Variants in TUBGCP4 observed in about 807,000 individuals in gnomAD.
TUBGCP4 encodes gamma-tubulin complex component 4.
In TUBGCP4, 54 loss-of-function variants were observed where a neutral mutation model predicts 91.6. The observed-to-expected ratio is 0.59, with a 90% confidence interval of 0.47 to 0.74. TUBGCP4 has a LOEUF of 0.74. Among genes scored for constraint, TUBGCP4 ranks in the 30% least tolerant of loss-of-function variants. The pLI is 0.00. For missense variants in TUBGCP4, 593 were observed against 800.9 expected (o/e 0.74, Z 3.13); for synonymous variants, 297 against 302.8 (o/e 0.98, Z 0.20).
At position 43,408,864 on chromosome 15, in the gene TUBGCP4, CTATACAAT is replaced by C; in HGVS notation, c.*3652_*3659del. ...CCTCCAAAGCTTGCTGTCCTCCTGC[CTATACAAT>C]TCTGGATGGGCTTCAAATACTTACC... On this transcript the variant is annotated 3_prime_UTR_variant, in exon 18 of 18. Transcript: ENST00000564079. The C allele has an allele frequency of 6.2e-7, 1 of 1,607,168 alleles. No individual in the cohort carries two copies. The highest frequency in any genetic ancestry group is 1.1e-5 in the South Asian group (1 of 90,888).
chr15:43,395,393 G>A, intron 10 of TUBGCP4, 190 bp from the exon 11 acceptor site: 1 of 665,354 alleles, frequency 1.5e-6, no homozygotes, highest in South Asian at 1.8e-5. Flanking sequence ...AATAAATAAT[G>A]CCAAATACAC....
At chr15:43,380,537 A>C (rs2044271318) in intron 6 of TUBGCP4, among the ~76,000 whole-genome samples, 1 of 152,234 alleles carries the variant, frequency 6.6e-6, no homozygotes, top group Non-Finnish European at 1.5e-5. Flanking sequence ...AAAAATGTTT[A>C]TGCTTTATAA....
chr15:43,377,976 T>A, intron 5 of TUBGCP4, 73 bp downstream of exon 5: 1 of 1,240,056 alleles, frequency 8.1e-7, no homozygotes, highest in Non-Finnish European at 1.1e-6. Context: ...TGCTTTACAT[T>A]ATTTTTCGAA....
intron 9 of TUBGCP4, among the ~76,000 whole-genome samples, chr15:43,390,412 AT>A (rs2044446503): frequency 6.6e-6 from 1 of 152,066 alleles, no homozygotes. Flanking sequence ...ATTTAAAAAA[AT>A]CTAGTCATTT....
chr15:43,389,251 G>T (rs1326001216), intron 9 of TUBGCP4, among the ~76,000 whole-genome samples: 1 of 152,182 alleles, frequency 6.6e-6, no homozygotes, highest in African/African-American at 2.4e-5. Context: ...TGCTTACATA[G>T]AGAAATGGTG....
At position 43,383,319 on chromosome 15, in the gene TUBGCP4, C is replaced by T. The variant is rs775533241; in HGVS notation, c.538C>T (p.His180Tyr). The change falls in exon 7 of 18, where the codon CAT (histidine) becomes TAT (tyrosine). Residue 180 changes from histidine (H) to tyrosine (Y), a missense_variant. Coordinates refer to ENST00000564079, the MANE Select transcript of TUBGCP4 (RefSeq NM_014444.5). ...TCTGCCCAGAATCCTGGCCGTTTGT[C>T]ATGGGGTCATGTATAAACAGCTCTC... ...SALEKILAVC[H>Y]GVMYKQLSAW... is the part of the protein sequence containing the mutation. 1.2e-6 allele frequency: 2 copies of T among 1,613,776 alleles called. No homozygotes were observed. Among genetic ancestry groups the T allele is most frequent in the Non-Finnish European group, 1.7e-6 (2 of 1,179,786 alleles).
In TUBGCP4 at chr15:43,401,734, C is replaced by T. The variant is rs1327512768; in HGVS notation, c.1615C>T (p.Gln539Ter). ...YYLQVDVLES[Q>*]FSQLLHQINS... ...CTATCAGGTAGATGTGTTGGAGTCT[C>T]AGTTCTCCCAGCTGCTTCATCAGAT... The change falls in exon 15 of 18, where the codon CAG becomes TAG. Residue 539 changes from glutamine to a stop codon, truncating the protein, a stop_gained. Coordinates refer to ENST00000564079, the MANE Select transcript of TUBGCP4 (RefSeq NM_014444.5). LOFTEE classifies it high-confidence loss of function. The T allele has an allele frequency of 6.2e-7, 1 of 1,614,126 alleles. No individual in the cohort carries two copies. The highest frequency in any genetic ancestry group is 2.2e-5 in the East Asian group (1 of 44,872).
rs189653826 is a variant in TUBGCP4, at chr15:43,399,186, C to T, written c.1419-858C>T. The stretch of plus-strand genomic sequence containing the variant: ...CTACCTACAAACAGGTAAATAAATC[C>T]TATTCTACCAGGAATCAGCTGTTCT... On this transcript the variant is annotated intron_variant, in intron 13 of 17. Transcript: ENST00000564079. 1.7e-5 allele frequency: 21 copies of T among 1,218,764 alleles called. No homozygotes were observed. The African/African-American group carries it at 3.1e-4, about 18-fold the overall frequency. 75.5% of individuals were successfully genotyped at this position (1,218,764 alleles called of 1,614,324 possible).
chr15:43,391,027 A>G (rs1332803533), intron 9 of TUBGCP4, among the ~76,000 whole-genome samples: 20 of 141,200 alleles, frequency 1.4e-4, no homozygotes, highest in Admixed American at 5.8e-4. Flanking sequence ...TTTTTTTTTG[A>G]GACACAGTCT....
intron 10 of TUBGCP4, 28 bp from the exon 11 acceptor site, chr15:43,395,555 G>T: frequency 6.4e-7 from 1 of 1,563,116 alleles, no homozygotes; most frequent in South Asian, 1.1e-5. Context: ...TTGCTTTACT[G>T]AATTGTAAAT....
chr15:43,376,192 T>A lies in TUBGCP4; in HGVS notation c.173T>A (p.Phe58Tyr), dbSNP rs748819795. 3 of 1,614,106 alleles carry A rather than the reference T, an allele frequency of 1.9e-6. No homozygotes were observed. Among genetic ancestry groups the A allele is most frequent in the Non-Finnish European group, 2.5e-6 (3 of 1,180,016 alleles). ...ACAGACTATATTCGCTTCACTGAGT[T>A]CATTGAACAGTACACGGGCCATGTG... ...LGTDYIRFTE[F>Y]IEQYTGHVQQ... The change falls in exon 2 of 18, where the codon TTC becomes TAC. Residue 58 changes from phenylalanine (F) to tyrosine (Y), a missense_variant. Phe to Tyr is a conservative substitution (Grantham distance 22, BLOSUM62 3). Transcript: ENST00000564079.
At chr15:43,401,881 G>GA in intron 15 of TUBGCP4, 31 bp downstream of exon 15, 2 of 1,612,328 alleles carry the variant, frequency 1.2e-6, no homozygotes, top group Non-Finnish European at 1.7e-6. Flanking sequence ...TCCTCAGACT[G>GA]CTTCTACCAC....
intron 13 of TUBGCP4, chr15:43,399,175 G>A (rs1284955468): frequency 4.1e-6 from 5 of 1,233,366 alleles, no homozygotes; most frequent in Admixed American, 2.7e-5. Flanking sequence ...CTACAAACAG[G>A]TAAATAAATC....
intron 13 of TUBGCP4, 53 bp from the exon 14 acceptor site, chr15:43,399,991 G>C: frequency 1.4e-6 from 2 of 1,470,838 alleles, no homozygotes; most frequent in Non-Finnish European, 1.9e-6. Context: ...TCGTGTGGGG[G>C]AAGTGCAGGG....
intron 7 of TUBGCP4, chr15:43,385,382 G>A (rs2044339830): frequency 2.2e-6 from 1 of 457,428 alleles, no homozygotes; most frequent in African/African-American, 2.0e-5. Context: ...AGAAGACGAT[G>A]TGATTGTATA....
Position 43,380,128 on chromosome 15 carries a change from T to TG in TUBGCP4, c.492dup (p.Leu165ValfsTer21). 1.9e-6 allele frequency: 3 copies of TG among 1,614,082 alleles called. No individual in the cohort carries two copies. The highest frequency in any genetic ancestry group is 1.1e-5 in the South Asian group (1 of 91,074). ...TGGAAACAGTCTACAAACACAGCTG[T>TG]GGGGGGTTGCCTCCTGTTCGAAGTG... On this transcript the variant is annotated frameshift_variant, in exon 6 of 18. Coordinates refer to ENST00000564079, the MANE Select transcript of TUBGCP4 (RefSeq NM_014444.5). LOFTEE classifies it high-confidence loss of function.
At chr15:43,381,785 C>T (rs2044288992) in intron 6 of TUBGCP4, among the ~76,000 whole-genome samples, 1 of 151,990 alleles carries the variant, frequency 6.6e-6, no homozygotes, top group Non-Finnish European at 1.5e-5. Context: ...TTAGTTTCAC[C>T]ATTTGTTAAC....
intron 6 of TUBGCP4, among the ~76,000 whole-genome samples, chr15:43,381,115 C>T (rs1595481079): frequency 6.6e-6 from 1 of 152,126 alleles, no homozygotes; most frequent in East Asian, 1.9e-4. Context: ...CCACTCACAA[C>T]TCTTAATCTC....
At chr15:43,376,472 G>T in intron 2 of TUBGCP4, 31 bp from the exon 3 acceptor site, 2 of 1,614,174 alleles carry the variant, frequency 1.2e-6, no homozygotes, top group Non-Finnish European at 1.7e-6. Flanking sequence ...GGCCTGAGCT[G>T]AGAAGTTGGC....
Sources: allele counts gnomAD v4.1 joint callset (sites outside exome capture counted in the v4.1 genomes callset), GRCh38; gene constraint gnomAD v4.1.1; transcripts MANE v1.5; gene names NCBI Gene and HGNC (gene_info 2026-07-23, HGNC 2026-07-21).